SFPQ: variants seen among roughly 807,000 people sequenced by gnomAD.
The protein encoded by SFPQ is splicing factor, proline- and glutamine-rich.
A neutral mutation model predicts 72.9 loss-of-function variants in SFPQ; 11 were observed. That is an observed-to-expected ratio of 0.15 (90% CI 0.09 to 0.25). SFPQ has a LOEUF of 0.25. Among genes scored for constraint, SFPQ ranks in the 10% least tolerant of loss-of-function variants. The pLI is 1.00. For synonymous variants in SFPQ, 506 were observed against 367.3 expected, an observed-to-expected ratio of 1.38 and a Z score of -4.32; for missense variants, 847 against 993.3, an observed-to-expected ratio of 0.85 and a Z score of 1.98.
In SFPQ at chr1:35,189,208, A is replaced by T; in HGVS notation, c.1590T>A (p.His530Gln). The part of the protein sequence containing the change: ...ESEMEDAYHE[H>Q]QANLLRQDLM... Reference sequence around the variant, plus strand: ...TACCTTGGCGCAAAAGATTTGCCTGATGTTCATGATAGGCATCTTCCATTT... The same window carrying T: ...TACCTTGGCGCAAAAGATTTGCCTGTTGTTCATGATAGGCATCTTCCATTT... Residue 530 changes from histidine (H) to glutamine (Q), a missense_variant, in exon 5 of 10, where the codon CAT becomes CAA. Physicochemically the swap from His to Gln is conservative, Grantham distance 24. This residue lies in a region of SFPQ where 132 missense variants were observed against 255.4 expected (regional missense o/e 0.52). Coordinates refer to ENST00000357214, the MANE Select transcript of SFPQ (RefSeq NM_005066.3). 6.2e-7 allele frequency: 1 copy of T among 1,613,954 alleles called. No individual in the cohort carries two copies. Among genetic ancestry groups the T allele is most frequent in the South Asian group, 1.1e-5 (1 of 91,084 alleles).
chr1:35,176,961 A>G (rs565371791), intron 5 of SFPQ, among the ~76,000 whole-genome samples: 73 of 152,256 alleles, frequency 4.8e-4, no homozygotes, highest in Non-Finnish European at 8.1e-4. Flanking sequence ...CAAGCCTGTA[A>G]TCCCAGCACT....
In SFPQ at chr1:35,191,486, T is replaced by C; in HGVS notation, c.872A>G (p.Lys291Arg). 1 of 1,614,210 alleles carries C rather than the reference T, an allele frequency of 6.2e-7. No homozygotes were observed. The highest frequency in any genetic ancestry group is 8.5e-7 in the Non-Finnish European group (1 of 1,180,028). Reference protein sequence around the residue: ...NLSLLRRPGEKTYTQRCRLFV... With the variant: ...NLSLLRRPGERTYTQRCRLFV... ...CAACCGACATCGCTGTGTGTAAGTT[T>C]TCTCTCCAGGCCTCCTCAAGAGAGA... Residue 291 changes from lysine (K) to arginine (R), a missense_variant, in exon 2 of 10, where the codon AAA becomes AGA. Coordinates refer to ENST00000357214, the MANE Select transcript of SFPQ (RefSeq NM_005066.3).
At chr1:35,186,979 T>C (rs748873774) in intron 9 of SFPQ, 22 bp downstream of exon 9, 3 of 1,599,260 alleles carry the variant, frequency 1.9e-6, no homozygotes, top group South Asian at 1.1e-5. Context: ...TCCTTGGTAC[T>C]ACGTCCCACA....
At chr1:35,177,574 A>G (rs1258949947) in intron 4 of SFPQ, 1 of 152,386 alleles carries the variant, frequency 6.6e-6, no homozygotes, top group Non-Finnish European at 1.5e-5. Flanking sequence ...GGCTCAAGCA[A>G]TCCTCCCACT....
At position 35,183,391 on chromosome 1, in the gene SFPQ, G is replaced by T. The variant is rs1046923880; in HGVS notation, c.*1065C>A. The T allele has an allele frequency of 6.7e-6, 2 of 296,588 alleles. No homozygotes were observed. The highest frequency in any genetic ancestry group is 1.0e-5 in the Non-Finnish European group (2 of 195,014). 18.4% of individuals were successfully genotyped at this position (296,588 alleles called of 1,614,324 possible). A position where few individuals can be genotyped will look rare whatever the true frequency, so the allele number is the denominator to read the frequency against. On this transcript the variant is annotated 3_prime_UTR_variant, in exon 10 of 10. Coordinates refer to ENST00000357214, the MANE Select transcript of SFPQ (RefSeq NM_005066.3). The stretch of plus-strand genomic sequence containing the variant: ...TGCCACCACGCCCAGCTAATTTTTT[G>T]TATTTTTAGTAGAGACGGGGTTTCA...
At chr1:35,178,588 T>G, downstream of SFPQ, 1 of 1,058,140 alleles carries the variant, frequency 9.5e-7, no homozygotes, top group Non-Finnish European at 1.1e-6. Context: ...CACTGAGTTT[T>G]AAAGTTAGGG....
At chr1:35,180,809 ATAGTT>A, downstream of SFPQ, 1 of 985,438 alleles carries the variant, frequency 1.0e-6, no homozygotes, top group Non-Finnish European at 1.2e-6. Context: ...GTTCCCAAGT[ATAGTT>A]TAGTTCCCTC....
rs780903107 is a variant in SFPQ at position 35,189,256 on chromosome 1, A to G, written c.1542T>C (p.Asp514=). Residue 514 remains aspartate, a synonymous_variant, in exon 5 of 10, where the codon GAT becomes GAC. Transcript: ENST00000357214. ...TTTCACTTTCCAATTTGTCTTTTGC[A>G]TCTTTCATGTTTTTTTCAACTTGTT... is the stretch of plus-strand genomic sequence containing the variant. ...QREQVEKNMK[D]AKDKLESEME... is the part of the protein sequence containing the mutation. 7 of 1,613,446 alleles carry G rather than the reference A, an allele frequency of 4.3e-6. No individual in the cohort carries two copies. The South Asian group carries it at 7.7e-5, about 18-fold the overall frequency.
downstream of SFPQ, chr1:35,179,776 A>T: frequency 9.5e-7 from 1 of 1,055,526 alleles, no homozygotes; most frequent in South Asian, 4.6e-5. Context: ...CATTCTCTAA[A>T]AATTGTTACT....
intron 9 of SFPQ, among the ~76,000 whole-genome samples, chr1:35,185,759 A>C (rs1282323503): frequency 2.6e-5 from 4 of 152,150 alleles, no homozygotes; most frequent in East Asian, 3.8e-4. Flanking sequence ...AAAATCTTAT[A>C]AATTACAGGG....
Position 35,185,727 on chromosome 1 carries a change from A to G in SFPQ, c.1987-1134T>C, listed in dbSNP as rs1010568230. Among the ~76,000 whole-genome samples the G allele has an allele frequency of 2.0e-5, 3 of 152,162 alleles. No homozygotes were observed. In the East Asian group the frequency reaches 5.8e-4, roughly 29 times the overall value. Reference sequence around the variant, plus strand: ...TACTATTGAGCTACTCAACATGACTAAACTTTTATCCTTTGTTTTTCAAAA... The same window carrying G: ...TACTATTGAGCTACTCAACATGACTGAACTTTTATCCTTTGTTTTTCAAAA... On this transcript the variant is annotated intron_variant, in intron 9 of 9. Coordinates refer to ENST00000357214, the MANE Select transcript of SFPQ (RefSeq NM_005066.3).
chr1:35,177,423 C>T (rs1361394943), intron 4 of SFPQ: 1 of 152,144 alleles, frequency 6.6e-6, no homozygotes, highest in African/African-American at 2.4e-5. Flanking sequence ...TGTTAACTTG[C>T]TCACTGCAGC....
chr1:35,180,550 C>T (rs1639425155), downstream of SFPQ: 1 of 1,049,380 alleles, frequency 9.5e-7, no homozygotes, highest in African/African-American at 1.7e-5. Context: ...ATAACTTGAA[C>T]TATTCACATT....
At position 35,192,667 on chromosome 1, in the gene SFPQ, G is replaced by C. The variant is rs1043188008; in HGVS notation, c.383C>G (p.Ser128Cys). 1.0e-5 allele frequency: 14 copies of C among 1,398,252 alleles called. No homozygotes were observed. In the East Asian group the frequency reaches 3.6e-4, roughly 36 times the overall value. 86.6% of individuals were successfully genotyped at this position (1,398,252 alleles called of 1,614,324 possible). A position where few individuals can be genotyped will look rare whatever the true frequency, so the allele number is the denominator to read the frequency against. The change falls in exon 1 of 10, where the codon TCC becomes TGC. Residue 128 changes from serine to cysteine, a missense_variant. Transcript: ENST00000357214. ...TGGAGTGGCGGGCGGGGCCGAGCTG[G>C]AGGCTGGTGGTGCGCTGCCTACTCC... ...APGVGSAPPA[S>C]SSAPPATPPT...
At chr1:35,179,374 TCTTTCA>T, downstream of SFPQ, 1 of 1,057,102 alleles carries the variant, frequency 9.5e-7, no homozygotes, top group Non-Finnish European at 1.1e-6. Flanking sequence ...CCATTGCATT[TCTTTCA>T]TCTTTCAGAA....
intron 6 of SFPQ, 42 bp from the exon 7 acceptor site, chr1:35,188,132 A>G (rs1639815366): frequency 1.4e-6 from 2 of 1,399,718 alleles, no homozygotes; most frequent in East Asian, 4.6e-5. Context: ...TGTTATCCAC[A>G]TCTTTTAGAA....
At chr1:35,185,217 CAA>C (rs1557794156) in intron 9 of SFPQ, among the ~76,000 whole-genome samples, 1 of 152,158 alleles carries the variant, frequency 6.6e-6, no homozygotes, top group African/African-American at 2.4e-5. Flanking sequence ...GTAACTTGAT[CAA>C]AAAAACTTAT....
Position 35,184,054 on chromosome 1 carries a change from G to A in SFPQ, c.*402C>T. Reference sequence around the variant, plus strand: ...CATTCAAAGGCCTAGACACTCTCATGCTTTCAATGTGGAATACGTAGCCTA... The same window carrying A: ...CATTCAAAGGCCTAGACACTCTCATACTTTCAATGTGGAATACGTAGCCTA... On this transcript the variant is annotated 3_prime_UTR_variant, in exon 10 of 10. Coordinates refer to ENST00000357214, the MANE Select transcript of SFPQ (RefSeq NM_005066.3). 2 of 1,074,124 alleles carry A rather than the reference G, an allele frequency of 1.9e-6. No homozygotes were observed. 66.5% of individuals were successfully genotyped at this position (1,074,124 alleles called of 1,614,324 possible).
chr1:35,182,453 C>T (rs973430890), downstream of SFPQ: 2 of 985,124 alleles, frequency 2.0e-6, no homozygotes, highest in African/African-American at 3.5e-5. Context: ...AGATTCTCTC[C>T]CTTAGCACAC....
Sources: gnomAD v4.1 joint callset for allele counts (sites outside exome capture counted in the v4.1 genomes callset) on GRCh38, gnomAD v4.1.1 for gene constraint, gnomAD v4.1.1 regional missense constraint, MANE v1.5 for transcripts, NCBI Gene and HGNC (gene_info 2026-07-23, HGNC 2026-07-21) for gene names.